BTBD3: variants seen among roughly 807,000 people sequenced by gnomAD.
BTBD3 encodes the protein BTB domain containing 3.
In BTBD3, 14 loss-of-function variants were observed where a neutral mutation model predicts 41.6. The ratio of observed to expected loss-of-function variants is 0.34; its 90% confidence interval spans 0.22 to 0.53. BTBD3 has a LOEUF of 0.53. Among genes scored for constraint, BTBD3 ranks in the 20% least tolerant of loss-of-function variants. The probability of loss-of-function intolerance (pLI) is 0.95; values close to 1 mark genes in which losing one functional copy is unlikely to be tolerated. For missense variants in BTBD3, 426 were observed against 654.7 expected, an observed-to-expected ratio of 0.65 and a Z score of 3.81; for synonymous variants, 249 against 233.7, an observed-to-expected ratio of 1.07 and a Z score of -0.60.
chr20:11,910,977 C>A (rs570060864), intron 1 of BTBD3, among the ~76,000 whole-genome samples: 1 of 152,146 alleles, frequency 6.6e-6, no homozygotes, highest in Non-Finnish European at 1.5e-5. Flanking sequence ...TAATGTAGTT[C>A]AGCCAGAATT....
Position 11,918,445 on chromosome 20 carries a change from C to G in BTBD3, c.170C>G (p.Thr57Ser), listed in dbSNP as rs2056936302. 1.2e-6 allele frequency: 2 copies of G among 1,614,104 alleles called. No homozygotes were observed. The highest frequency in any genetic ancestry group is 1.7e-6 in the Non-Finnish European group (2 of 1,179,994). ...TGTTATGAAATAATTACCTTGAAGACTAAAAAGAAGAAGATGGCTGCTGAT... is the reference window on the plus strand; with the variant it reads ...TGTTATGAAATAATTACCTTGAAGAGTAAAAAGAAGAAGATGGCTGCTGAT... ...PVCYEIITLK[T>S]KKKKMAADIF... Residue 57 changes from threonine to serine, a missense_variant, in exon 1 of 4, where the codon ACT becomes AGT. Thr to Ser is a moderately conservative substitution (Grantham distance 58). Around this residue, in one of 3 missense-constraint regions of BTBD3, gnomAD observed 53 missense variants for 74.8 expected, o/e 0.71. Transcript: ENST00000378226.
rs143665823 is a variant in BTBD3, at chr20:11,906,476, C to T, written c.-125-11858C>T. 4.2e-3 allele frequency among the ~76,000 whole-genome samples: 638 copies of T among 151,892 alleles called. 5 individuals carry two copies. The highest frequency in any genetic ancestry group is 0.027 in the Middle Eastern group (8 of 294). On this transcript the variant is annotated intron_variant, in intron 1 of 4. Coordinates refer to the BTBD3 transcript ENST00000254977. ...ATGGGGTTTCACCATGTTGGACAGT[C>T]TGTTCTTGAACTCCTGACCTCAGGT...
rs1380354672 is a variant in BTBD3, at chr20:11,923,736, CATCTGCAA to C, written c.*73_*80del. 6 of 1,395,054 alleles carry C rather than the reference CATCTGCAA, an allele frequency of 4.3e-6. No homozygotes were observed. Among genetic ancestry groups the C allele is most frequent in the Non-Finnish European group, 5.9e-6 (6 of 1,022,080 alleles). 86.4% of individuals were successfully genotyped at this position (1,395,054 alleles called of 1,614,324 possible). A position where few individuals can be genotyped will look rare whatever the true frequency, so the allele number is the denominator to read the frequency against. The stretch of plus-strand genomic sequence containing the variant: ...GTTCCAACTTGCCTGATGCTTAGCT[CATCTGCAA>C]ATATGTGATCAGTGCCGGTAATTTG... On this transcript the variant is annotated 3_prime_UTR_variant, in exon 4 of 4. Coordinates refer to ENST00000378226, the MANE Select transcript of BTBD3 (RefSeq NM_014962.4). The surrounding 1 kb of genome is among the most constrained non-coding windows in gnomAD (Gnocchi z 5.3).
chr20:11,910,307 A>G (rs553389398), intron 1 of BTBD3: 2 of 152,164 alleles, frequency 1.3e-5, no homozygotes, highest in East Asian at 1.9e-4. Flanking sequence ...ACCGAAACAT[A>G]TTATTTTCTT....
At chr20:11,920,342 T>C (rs370880767) in intron 3 of BTBD3, among the ~76,000 whole-genome samples, 2 of 152,314 alleles carry the variant, frequency 1.3e-5, no homozygotes, top group Non-Finnish European at 2.9e-5. Context: ...CACATACATA[T>C]ACATACTCAT....
chr20:11,898,284 A>G (rs6040973), intron 1 of BTBD3, among the ~76,000 whole-genome samples: 4,239 of 152,072 alleles, frequency 0.028, 224 homozygotes, highest in African/African-American at 0.098. Flanking sequence ...CTCCTTGCTA[A>G]TCCTTGAACG....
chr20:11,918,639 CCTGTGTTGAAGTTT>C (rs1463248881), intron 1 of BTBD3, 38 bp downstream of exon 1: 1 of 1,524,656 alleles, frequency 6.6e-7, no homozygotes, highest in African/African-American at 1.4e-5. Context: ...TAAAAGTTTT[CCTGTGTTGAAGTTT>C]CTGCTTTTGC....
chr20:11,898,918 G>A (rs890877366), intron 1 of BTBD3, among the ~76,000 whole-genome samples: 3 of 152,210 alleles, frequency 2.0e-5, no homozygotes, highest in Admixed American at 6.5e-5. Flanking sequence ...ACATCTGAAT[G>A]ATGTGAATTG....
chr20:11,912,539 A>T (rs1017016468), intron 1 of BTBD3, among the ~76,000 whole-genome samples: 2 of 152,338 alleles, frequency 1.3e-5, no homozygotes, highest in Non-Finnish European at 2.9e-5. Context: ...TGCAGATAGG[A>T]TGAAATGTCA....
chr20:11,891,283 C>G (rs1393101899), intron 1 of BTBD3: 3 of 151,372 alleles, frequency 2.0e-5, no homozygotes, highest in Admixed American at 1.3e-4. Flanking sequence ...GAGGGGCGCA[C>G]GAGCCCGCCT....
chr20:11,913,916 A>G (rs1037041769), upstream of BTBD3, among the ~76,000 whole-genome samples: 2 of 152,242 alleles, frequency 1.3e-5, no homozygotes, highest in Admixed American at 1.3e-4. Flanking sequence ...TATAAAATCA[A>G]CTGAAACACA....
At chr20:11,913,326 T>C (rs2056900353), upstream of BTBD3, 1 of 152,196 alleles carries the variant, frequency 6.6e-6, no homozygotes, top group Non-Finnish European at 1.5e-5. Flanking sequence ...GGAGAGCCTC[T>C]TCTGTTTTTG....
intron 1 of BTBD3, among the ~76,000 whole-genome samples, chr20:11,891,857 G>T (rs1265097577): frequency 1.3e-5 from 2 of 151,920 alleles, no homozygotes; most frequent in Admixed American, 1.3e-4. Context: ...AATATTCCCC[G>T]CCACCTCGCC....
intron 1 of BTBD3, among the ~76,000 whole-genome samples, chr20:11,906,984 T>C (rs2056858872): frequency 6.6e-6 from 1 of 152,158 alleles, no homozygotes; most frequent in South Asian, 2.1e-4. Context: ...TTCACGTGAA[T>C]TGCTGAGAAT....
Position 11,923,008 on chromosome 20 carries a change from T to C in BTBD3, c.911T>C (p.Leu304Ser), listed in dbSNP as rs148938861. Reference sequence around the variant, plus strand: ...GAATGCCAACGACAAGATCTGGCGTTGAGCATTGAAAATAAACGCAAGGTT... The same window carrying C: ...GAATGCCAACGACAAGATCTGGCGTCGAGCATTGAAAATAAACGCAAGGTT... ...EVECQRQDLA[L>S]SIENKRKVLG... is the part of the protein sequence containing the mutation. The change falls in exon 4 of 4, where the codon TTG (leucine) becomes TCG (serine). Residue 304 changes from leucine to serine, a missense_variant. Leu to Ser is a moderately radical substitution (Grantham distance 145, BLOSUM62 -2). This residue lies in a region of BTBD3 where 321 missense variants were observed against 534.8 expected (regional missense o/e 0.60). Coordinates refer to ENST00000378226, the MANE Select transcript of BTBD3 (RefSeq NM_014962.4). The surrounding 1 kb of genome is among the most constrained non-coding windows in gnomAD (Gnocchi z 5.3). The C allele has an allele frequency of 5.6e-6, 9 of 1,614,080 alleles. No homozygotes were observed. Among genetic ancestry groups the C allele is most frequent in the Non-Finnish European group, 6.8e-6 (8 of 1,180,046 alleles).
upstream of BTBD3, among the ~76,000 whole-genome samples, chr20:11,913,122 T>G (rs1417949938): frequency 6.6e-6 from 1 of 152,236 alleles, no homozygotes. Context: ...ATTTCTTCAG[T>G]CTACCTTACC....
intron 3 of BTBD3, among the ~76,000 whole-genome samples, chr20:11,922,295 T>C (rs2044755648): frequency 6.6e-6 from 1 of 152,150 alleles, no homozygotes; most frequent in African/African-American, 2.4e-5. Context: ...TATAATAGAA[T>C]TTTGCTATTT....
chr20:11,902,101 A>G (rs1012248811), intron 1 of BTBD3, among the ~76,000 whole-genome samples: 1 of 152,288 alleles, frequency 6.6e-6, no homozygotes, highest in African/African-American at 2.4e-5. Flanking sequence ...TTGACTCACA[A>G]AAACTTAACT....
Position 11,902,415 on chromosome 20 carries a change from A to G in BTBD3, c.-126+11461A>G, listed in dbSNP as rs529484443. Among the ~76,000 whole-genome samples, 127 of 152,258 alleles carry G rather than the reference A, an allele frequency of 8.3e-4. 1 individual carries two copies. Among genetic ancestry groups the G allele is most frequent in the Non-Finnish European group, 1.5e-3 (104 of 68,016 alleles). On this transcript the variant is annotated intron_variant, in intron 1 of 4. Transcript: ENST00000254977. ...ACTTTTTTCTTGTAGTGTCTTTTCT[A>G]TGCTTCTCGGAAGCACTTCTAGCAT...
Sources: allele counts gnomAD v4.1 joint callset (sites outside exome capture counted in the v4.1 genomes callset), GRCh38; gene constraint gnomAD v4.1.1; regional missense constraint gnomAD v4.1.1; non-coding constraint Gnocchi (gnomAD v3.1); transcripts MANE v1.5; gene names NCBI Gene and HGNC (gene_info 2026-07-23, HGNC 2026-07-21).